Variants in RELN observed in about 807,000 individuals in gnomAD.
The protein encoded by RELN is reelin.
Under a neutral mutation model 427.6 loss-of-function variants are expected in RELN, and 108 were observed. That is an observed-to-expected ratio of 0.25 (90% CI 0.22 to 0.30). RELN has a LOEUF of 0.30. Ranked by LOEUF, RELN falls within the 10% of genes least tolerant of loss-of-function variation. The pLI is 1.00. For synonymous variants in RELN, 1,524 were observed against 1,513.4 expected, an observed-to-expected ratio of 1.01 and a Z score of -0.16; for missense variants, 3,715 against 4,302.8, an observed-to-expected ratio of 0.86 and a Z score of 3.82.
At chr7:103,827,566 A>G (rs1361517159) in intron 3 of RELN, among the ~76,000 whole-genome samples, 1 of 152,146 alleles carries the variant, frequency 6.6e-6, no homozygotes, top group Middle Eastern at 3.4e-3. Flanking sequence ...GCTGATACAT[A>G]TAAGAACACA....
chr7:103,859,166 G>A (rs1165533827), intron 2 of RELN, among the ~76,000 whole-genome samples: 1 of 152,146 alleles, frequency 6.6e-6, no homozygotes, highest in East Asian at 1.9e-4. Context: ...AGAAAAATAT[G>A]TATGTTTTGG....
intron 51 of RELN, among the ~76,000 whole-genome samples, chr7:103,509,811 AC>A: frequency 6.6e-6 from 1 of 151,448 alleles, no homozygotes; most frequent in Non-Finnish European, 1.5e-5. Context: ...GAAAAAAAAA[AC>A]ATCAAAAAGT....
At chr7:103,890,171 G>A (rs6947643) in intron 2 of RELN, among the ~76,000 whole-genome samples, 57,820 of 150,722 alleles carry the variant, frequency 0.38, 11,669 homozygotes, top group African/African-American at 0.5. Context: ...TTATACCTAT[G>A]TCTTGGATCT....
At chr7:103,738,174 C>G (rs1204338035) in intron 6 of RELN, among the ~76,000 whole-genome samples, 2 of 150,614 alleles carry the variant, frequency 1.3e-5, no homozygotes, top group Non-Finnish European at 2.9e-5. Flanking sequence ...ACATCAGAGC[C>G]TGGTGATATT....
chr7:103,978,501 C>A (rs952427171), intron 1 of RELN, among the ~76,000 whole-genome samples: 2 of 152,132 alleles, frequency 1.3e-5, no homozygotes, highest in African/African-American at 4.8e-5. Flanking sequence ...TAAATATTTG[C>A]AGAGCTTCTA....
chr7:103,714,960 T>G (rs1228417819), intron 8 of RELN, among the ~76,000 whole-genome samples: 1 of 152,230 alleles, frequency 6.6e-6, no homozygotes, highest in Non-Finnish European at 1.5e-5. Flanking sequence ...AAAGTTAAGA[T>G]AATTCATTAT....
chr7:103,705,443 A>C (rs1298316647), intron 8 of RELN, among the ~76,000 whole-genome samples: 1 of 152,232 alleles, frequency 6.6e-6, no homozygotes, highest in African/African-American at 2.4e-5. Flanking sequence ...TTGTACTATG[A>C]TGAAGTAATG....
At chr7:103,815,422 A>C (rs181978196) in intron 3 of RELN, among the ~76,000 whole-genome samples, 1 of 152,242 alleles carries the variant, frequency 6.6e-6, no homozygotes, top group Non-Finnish European at 1.5e-5. Context: ...ATTTAAAATC[A>C]TAAGTGTGAC....
At chr7:103,529,193 C>A (rs139542030) in intron 46 of RELN, among the ~76,000 whole-genome samples, 4 of 152,076 alleles carry the variant, frequency 2.6e-5, no homozygotes, top group African/African-American at 9.7e-5. Flanking sequence ...GCCTCCCATC[C>A]CCATCTCTTT....
At chr7:103,614,619 T>G (rs1584345927) in intron 20 of RELN, among the ~76,000 whole-genome samples, 1 of 151,128 alleles carries the variant, frequency 6.6e-6, no homozygotes, top group South Asian at 2.1e-4. Context: ...AGTGTCCTTG[T>G]TAAGGTGCTC....
At chr7:103,588,971 A>AT (rs547731131) in intron 28 of RELN, among the ~76,000 whole-genome samples, 56,575 of 151,760 alleles carry the variant, frequency 0.37, 10,615 homozygotes, top group East Asian at 0.49. Flanking sequence ...TGTTTCATGC[A>AT]TTTTTTTTGC....
rs190137352 is a variant in RELN, at chr7:103,797,565, A to G, written c.474-20938T>C. On this transcript the variant is annotated intron_variant, in intron 3 of 64. Coordinates refer to ENST00000428762, the MANE Select transcript of RELN (RefSeq NM_005045.4). ...AAGAAATTAACATTCCGATTTTACT[A>G]GTTTTTTTATTTTTCTGATAATATC... 2.6e-3 allele frequency among the ~76,000 whole-genome samples: 403 copies of G among 152,220 alleles called. 1 individual carries two copies. Among genetic ancestry groups the G allele is most frequent in the African/African-American group, 9.4e-3 (389 of 41,540 alleles).
At chr7:103,610,671 C>T (rs1364473787) in intron 22 of RELN, 24 bp downstream of exon 22, 1 of 1,097,006 alleles carries the variant, frequency 9.1e-7, no homozygotes, top group Admixed American at 1.7e-5. Context: ...AAAGTGACAG[C>T]CATATCTAAA....
chr7:103,965,057 T>C (rs1277110362), intron 1 of RELN, among the ~76,000 whole-genome samples: 1 of 152,232 alleles, frequency 6.6e-6, no homozygotes, highest in Admixed American at 6.5e-5. Context: ...TATAAAAAGG[T>C]AAAATTTAAT....
intron 11 of RELN, among the ~76,000 whole-genome samples, chr7:103,678,938 TTAAC>T (rs1336138608): frequency 5.9e-5 from 9 of 152,172 alleles, no homozygotes; most frequent in African/African-American, 1.9e-4. Flanking sequence ...AAATATTCGA[TTAAC>T]TGAGCAGAGA....
chr7:103,881,341 C>G (rs1794602218), intron 2 of RELN, among the ~76,000 whole-genome samples: 1 of 152,056 alleles, frequency 6.6e-6, no homozygotes. Flanking sequence ...GGTGATAACC[C>G]TCTCCTGATT....
At chr7:103,766,126 C>T (rs1791419762) in intron 4 of RELN, among the ~76,000 whole-genome samples, 2 of 152,138 alleles carry the variant, frequency 1.3e-5, no homozygotes, top group African/African-American at 4.8e-5. Context: ...GTTTGTAAGA[C>T]CGTGAAGCAA....
chr7:103,887,380 G>T (rs916640797), intron 2 of RELN, among the ~76,000 whole-genome samples: 2 of 152,172 alleles, frequency 1.3e-5, no homozygotes, highest in African/African-American at 4.8e-5. Context: ...GGAGGTGTCT[G>T]CTCCTGGTAC....
At chr7:103,724,580 G>T (rs1229555656) in intron 7 of RELN, among the ~76,000 whole-genome samples, 3 of 152,158 alleles carry the variant, frequency 2.0e-5, no homozygotes. Context: ...ACTTGATCAA[G>T]TTCCACAGCT....
Sources: gnomAD v4.1 joint callset for allele counts (sites outside exome capture counted in the v4.1 genomes callset) on GRCh38, gnomAD v4.1.1 for gene constraint, MANE v1.5 for transcripts, NCBI Gene and HGNC (gene_info 2026-07-23, HGNC 2026-07-21) for gene names.